TM6SF1: variants seen among roughly 807,000 people sequenced by gnomAD.
TM6SF1 encodes the protein transmembrane 6 superfamily member 1.
A neutral mutation model predicts 47.1 loss-of-function variants in TM6SF1; 43 were observed. The ratio of observed to expected loss-of-function variants is 0.91; its 90% confidence interval spans 0.72 to 1.18. The LOEUF is 1.18. Among genes scored for constraint, TM6SF1 ranks in the 50% most tolerant of loss-of-function variants. TM6SF1 has a pLI of 0.00. For missense variants in TM6SF1, 390 were observed against 449.0 expected (o/e 0.87, Z 1.19); for synonymous variants, 177 against 166.3 (o/e 1.06, Z -0.49).
rs766617472 is a variant in TM6SF1 at position 83,136,555 on chromosome 15, A to G, written c.996A>G (p.Lys332=). 6.2e-7 allele frequency: 1 copy of G among 1,613,802 alleles called. No homozygotes were observed. Among genetic ancestry groups the G allele is most frequent in the Admixed American group, 1.7e-5 (1 of 59,970 alleles). The change falls in exon 10 of 10, where the codon AAA becomes AAG. Residue 332 remains lysine (K), a synonymous_variant. Coordinates refer to ENST00000322019, the MANE Select transcript of TM6SF1 (RefSeq NM_023003.5). ...TCTACAGAGTCCCTGAAGAAGCAAA[A>G]ATCCTTTTTTTAGCATTAAACATAG... ...AYVYRVPEEA[K]ILFLALNIAY...
At chr15:83,113,559 C>T (rs2034387777) in intron 2 of TM6SF1, 1 of 152,520 alleles carries the variant, frequency 6.6e-6, no homozygotes, top group Non-Finnish European at 1.5e-5. Context: ...CCTTGCTGGG[C>T]ATTTTGTTCT....
intron 9 of TM6SF1, chr15:83,128,533 G>A (rs986299261): frequency 2.0e-5 from 3 of 152,070 alleles, no homozygotes; most frequent in Non-Finnish European, 4.4e-5. Flanking sequence ...CTGTATTTTA[G>A]GTCTTTATCT....
chr15:83,112,990 C>T (rs2034326000), intron 2 of TM6SF1, 90 bp downstream of exon 2: 1 of 1,105,464 alleles, frequency 9.0e-7, no homozygotes, highest in African/African-American at 1.5e-5. Context: ...GTTGTGAATA[C>T]TCTGAGCCCT....
At chr15:83,127,203 A>T (rs1372866076) in intron 8 of TM6SF1, among the ~76,000 whole-genome samples, 155 bp from the exon 9 acceptor site, 4 of 151,012 alleles carry the variant, frequency 2.6e-5, no homozygotes, top group Admixed American at 2.0e-4. Context: ...AAAAAAATAA[A>T]TAAATAAAAA....
chr15:83,132,444 C>CA, intron 9 of TM6SF1: 1 of 152,234 alleles, frequency 6.6e-6, no homozygotes, highest in Non-Finnish European at 1.5e-5. Context: ...GTGCTGCCCT[C>CA]AGACTCTCTA....
In TM6SF1 at chr15:83,113,208, G is replaced by A. The variant is rs916030283; in HGVS notation, c.196+308G>A. ...GACTCTCATGCTAGCTCCTTCCTGG[G>A]CTTCCTGTCTTCAGCCTGCTACTAG... On this transcript the variant is annotated intron_variant, in intron 2 of 9. Coordinates refer to ENST00000322019, the MANE Select transcript of TM6SF1 (RefSeq NM_023003.5). 8.7e-5 allele frequency: 38 copies of A among 437,192 alleles called. No homozygotes were observed. The Middle Eastern group carries it at 2.7e-3, about 31-fold the overall frequency. The allele number at this position is 437,192 out of a possible 1,614,324, so 27.1% of individuals were successfully genotyped here. A position where few individuals can be genotyped will look rare whatever the true frequency, so the allele number is the denominator to read the frequency against.
chr15:83,115,541 G>A (rs2034579640), intron 2 of TM6SF1: 1 of 499,590 alleles, frequency 2.0e-6, no homozygotes, highest in Admixed American at 2.5e-5. Flanking sequence ...TAGGGGAGTG[G>A]AGGATGGGTG....
intron 7 of TM6SF1, 46 bp downstream of exon 7, chr15:83,124,822 C>T (rs1406886017): frequency 1.4e-6 from 2 of 1,432,170 alleles, no homozygotes; most frequent in Non-Finnish European, 2.0e-6. Context: ...ATACTACTCA[C>T]ATTTCCAAAT....
At chr15:83,118,486 G>A (rs1417195844) in intron 3 of TM6SF1, among the ~76,000 whole-genome samples, 1 of 152,220 alleles carries the variant, frequency 6.6e-6, no homozygotes, top group East Asian at 1.9e-4. Flanking sequence ...TTCAGTCAGA[G>A]CAAGTCCAAG....
intron 2 of TM6SF1, chr15:83,114,208 T>A (rs1284558827): frequency 6.5e-6 from 1 of 152,732 alleles, no homozygotes. Context: ...TGTACTGATG[T>A]CTCTCCTGAC....
intron 6 of TM6SF1, among the ~76,000 whole-genome samples, 199 bp from the exon 7 acceptor site, chr15:83,124,473 A>C (rs192909180): frequency 2.4e-4 from 36 of 152,338 alleles, no homozygotes; most frequent in Non-Finnish European, 4.4e-4. Context: ...CATTTAGCCC[A>C]AATTCTTCAT....
intron 6 of TM6SF1, 31 bp from the exon 7 acceptor site, chr15:83,124,641 G>A (rs2151370725): frequency 6.4e-7 from 1 of 1,565,086 alleles, no homozygotes; most frequent in South Asian, 1.1e-5. Context: ...GGCACTTTGG[G>A]CCTGCTCTTT....
At chr15:83,117,352 G>T (rs532239388) in intron 3 of TM6SF1, among the ~76,000 whole-genome samples, 2 of 152,290 alleles carry the variant, frequency 1.3e-5, no homozygotes, top group South Asian at 4.1e-4. Flanking sequence ...AGCAGTCCTG[G>T]AAGAGAGAGT....
intron 4 of TM6SF1, among the ~76,000 whole-genome samples, chr15:83,120,381 T>C (rs2035108550): frequency 1.3e-5 from 2 of 152,174 alleles, no homozygotes; most frequent in Admixed American, 1.3e-4. Flanking sequence ...CAGCTTTTTT[T>C]CTGCTGGGGC....
At chr15:83,120,934 T>C (rs1049322244) in intron 4 of TM6SF1, among the ~76,000 whole-genome samples, 7 of 150,764 alleles carry the variant, frequency 4.6e-5, no homozygotes, top group Admixed American at 3.3e-4. Flanking sequence ...TGGGGTCTGG[T>C]TACATTTGGC....
At chr15:83,115,730 C>A (rs1289458822) in intron 2 of TM6SF1, 115 bp from the exon 3 acceptor site, 1 of 773,572 alleles carries the variant, frequency 1.3e-6, no homozygotes, top group East Asian at 2.6e-5. Context: ...CGATAATTGT[C>A]CACAGCATCT....
chr15:83,129,016 A>G (rs1473283567), intron 9 of TM6SF1: 1 of 152,134 alleles, frequency 6.6e-6, no homozygotes, highest in Non-Finnish European at 1.5e-5. Flanking sequence ...TTTTTTAAAG[A>G]GATGGGATCT....
chr15:83,121,093 CG>C (rs2035199480), intron 4 of TM6SF1, among the ~76,000 whole-genome samples: 1 of 151,306 alleles, frequency 6.6e-6, no homozygotes, highest in Non-Finnish European at 1.5e-5. Flanking sequence ...TATTTTGAGA[CG>C]GAGTCTCGCT....
chr15:83,131,881 T>C (rs1017496148), intron 9 of TM6SF1: 3 of 152,232 alleles, frequency 2.0e-5, no homozygotes, highest in Non-Finnish European at 4.4e-5. Flanking sequence ...AAAGGCATTA[T>C]AGGCTGCTTA....
Sources: gnomAD v4.1 joint callset for allele counts (sites outside exome capture counted in the v4.1 genomes callset) on GRCh38, gnomAD v4.1.1 for gene constraint, MANE v1.5 for transcripts, NCBI Gene and HGNC (gene_info 2026-07-23, HGNC 2026-07-21) for gene names.